IFT25: variants seen among roughly 807,000 people sequenced by gnomAD.
IFT25 encodes intraflagellar transport protein 25 homolog.
the IFT25 span, chr1:53,928,345 T>C: frequency 1.3e-6 from 2 of 1,558,904 alleles, no homozygotes; most frequent in Non-Finnish European, 1.8e-6. Context: ...TCCTTCATGC[T>C]CAGAACAATG....
chr1:53,929,877 A>G, the IFT25 span: 6 of 1,170,356 alleles, frequency 5.1e-6, no homozygotes, highest in African/African-American at 8.1e-5. Context: ...CCCCAGCAAT[A>G]AAACTGGATT....
At chr1:53,923,187 C>T in the IFT25 span, among the ~76,000 whole-genome samples, 1 of 152,136 alleles carries the variant, frequency 6.6e-6, no homozygotes, top group Admixed American at 6.5e-5. Context: ...TTTTTTGAAA[C>T]ACTGATTTAA....
chr1:53,923,810 T>A, the IFT25 span: 1 of 800,550 alleles, frequency 1.2e-6, no homozygotes, highest in Non-Finnish European at 2.2e-6. Flanking sequence ...TATAATATCA[T>A]GAGGAAATTT....
chr1:53,922,255 G>A, the IFT25 span, among the ~76,000 whole-genome samples: 109 of 152,222 alleles, frequency 7.2e-4, no homozygotes, highest in African/African-American at 2.4e-3. Context: ...TTAGCTGGGC[G>A]TGGTGGCACG....
the IFT25 span, among the ~76,000 whole-genome samples, chr1:53,932,592 T>C: frequency 1.2e-3 from 184 of 152,290 alleles, no homozygotes; most frequent in African/African-American, 4.3e-3. Context: ...AGAGACAGAG[T>C]CTCGCTCTGT....
At chr1:53,944,799 C>CT in the IFT25 span, among the ~76,000 whole-genome samples, 14 of 152,156 alleles carry the variant, frequency 9.2e-5, no homozygotes, top group African/African-American at 3.4e-4. Flanking sequence ...TTCCCTGATG[C>CT]CTTATCCTGT....
At chr1:53,932,875 A>G in the IFT25 span, among the ~76,000 whole-genome samples, 7 of 151,990 alleles carry the variant, frequency 4.6e-5, no homozygotes, top group Non-Finnish European at 8.8e-5. Flanking sequence ...CCATCAATAC[A>G]TTCTTGTTCC....
the IFT25 span, among the ~76,000 whole-genome samples, chr1:53,922,825 A>G: frequency 6.6e-6 from 1 of 152,262 alleles, no homozygotes; most frequent in East Asian, 1.9e-4. Flanking sequence ...TTGTTCACAC[A>G]TTATTATTCT....
chr1:53,930,013 A>G, the IFT25 span: 3 of 1,537,446 alleles, frequency 2.0e-6, no homozygotes, highest in East Asian at 2.4e-5. Flanking sequence ...AAAAAAAAAA[A>G]AAAAATTAAT....
the IFT25 span, chr1:53,916,933 GGAGTTCGA>G: frequency 2.8e-6 from 1 of 362,678 alleles, no homozygotes; most frequent in African/African-American, 2.1e-5. Flanking sequence ...CCTGAGGTCT[GGAGTTCGA>G]GACCAGCCTG....
the IFT25 span, among the ~76,000 whole-genome samples, chr1:53,911,699 T>TA: frequency 6.6e-6 from 1 of 152,294 alleles, no homozygotes; most frequent in South Asian, 2.1e-4. Context: ...TCAGAACTAG[T>TA]AAGTAACAAG....
At chr1:53,930,104 T>C in the IFT25 span, 1 of 1,575,928 alleles carries the variant, frequency 6.3e-7, no homozygotes, top group Admixed American at 2.0e-5. Flanking sequence ...AATGAATTCC[T>C]GGGGAAACAT....
chr1:53,936,361 A>T, the IFT25 span, among the ~76,000 whole-genome samples: 8 of 152,132 alleles, frequency 5.3e-5, no homozygotes, highest in Admixed American at 2.0e-4. Context: ...GAGGCAGGAG[A>T]ATCGCTTGAA....
At chr1:53,945,077 G>A in the IFT25 span, among the ~76,000 whole-genome samples, 1 of 152,114 alleles carries the variant, frequency 6.6e-6, no homozygotes, top group African/African-American at 2.4e-5. Flanking sequence ...CGGCTTCCAA[G>A]GCAAACCAGC....
At chr1:53,920,925 C>T in the IFT25 span, among the ~76,000 whole-genome samples, 1 of 152,130 alleles carries the variant, frequency 6.6e-6, no homozygotes, top group African/African-American at 2.4e-5. Flanking sequence ...GTAATCCTAG[C>T]ACTTTGGGAG....
chr1:53,931,767 A>G, the IFT25 span, among the ~76,000 whole-genome samples: 1 of 152,126 alleles, frequency 6.6e-6, no homozygotes, highest in Admixed American at 6.5e-5. Context: ...TTAGAGGTTT[A>G]TAACTTTTAT....
chr1:53,912,758 G>A, the IFT25 span, among the ~76,000 whole-genome samples: 6 of 152,216 alleles, frequency 3.9e-5, no homozygotes, highest in Admixed American at 3.3e-4. Flanking sequence ...GCTAGCCATA[G>A]GCCAGTGTAG....
At chr1:53,928,651 C>T in the IFT25 span, 3 of 500,368 alleles carry the variant, frequency 6.0e-6, no homozygotes, top group Non-Finnish European at 1.1e-5. Context: ...TGTTCGCAAC[C>T]ATACAACACA....
the IFT25 span, among the ~76,000 whole-genome samples, chr1:53,926,858 G>A: frequency 6.6e-6 from 1 of 151,888 alleles, no homozygotes; most frequent in African/African-American, 2.4e-5. Flanking sequence ...AAGTAGCTAC[G>A]ATTACAGGCA....
Sources: allele counts gnomAD v4.1 joint callset (sites outside exome capture counted in the v4.1 genomes callset), GRCh38; gene constraint gnomAD v4.1.1; transcripts MANE v1.5; gene names NCBI Gene and HGNC (gene_info 2026-07-23, HGNC 2026-07-21).